The following PARM1 variants were observed in gnomAD, a reference collection of about 807,000 sequenced individuals.
PARM1 encodes the protein WSC4, cell wall integrity and stress response component 4 homolog.
PARM1 carries 14 observed loss-of-function variants against 24.6 expected under a neutral mutation model. The observed-to-expected ratio is 0.57, with a 90% confidence interval of 0.38 to 0.89. The LOEUF (loss-of-function observed/expected upper bound fraction) is 0.89. Among genes scored for constraint, PARM1 ranks in the 40% least tolerant of loss-of-function variants. The pLI is 0.00. For synonymous variants in PARM1, 179 were observed against 156.6 expected, an observed-to-expected ratio of 1.14 and a Z score of -1.07; for missense variants, 362 against 380.4, an observed-to-expected ratio of 0.95 and a Z score of 0.40.
intron 2 of PARM1, among the ~76,000 whole-genome samples, chr4:75,023,149 A>G (rs568680852): frequency 6.6e-6 from 1 of 152,352 alleles, no homozygotes; most frequent in South Asian, 2.1e-4. Context: ...TTCCATGTGG[A>G]GAAATCACGG....
At chr4:75,005,073 A>G (rs1260602699) in intron 1 of PARM1, among the ~76,000 whole-genome samples, 1 of 152,214 alleles carries the variant, frequency 6.6e-6, no homozygotes, top group African/African-American at 2.4e-5. Context: ...TAAAGCGCTC[A>G]GTACACTTGT....
intron 2 of PARM1, among the ~76,000 whole-genome samples, chr4:75,022,742 T>C (rs945413405): frequency 6.6e-6 from 1 of 152,196 alleles, no homozygotes; most frequent in Non-Finnish European, 1.5e-5. Flanking sequence ...ACTGAACCCG[T>C]ACTCTAATCT....
intron 1 of PARM1, among the ~76,000 whole-genome samples, chr4:74,968,379 TAA>T (rs1364333921): frequency 7.9e-5 from 12 of 152,220 alleles, no homozygotes; most frequent in Admixed American, 7.9e-4. Context: ...TCAGGAAATA[TAA>T]AAGTTGATTA....
chr4:75,020,438 T>G (rs1209364298), intron 2 of PARM1, among the ~76,000 whole-genome samples: 1 of 152,082 alleles, frequency 6.6e-6, no homozygotes, highest in Non-Finnish European at 1.5e-5. Context: ...CTCTTCATTT[T>G]TATCTCAGAG....
chr4:74,955,650 GT>G (rs1380816312), intron 1 of PARM1, among the ~76,000 whole-genome samples: 4 of 152,162 alleles, frequency 2.6e-5, no homozygotes, highest in Non-Finnish European at 5.9e-5. Context: ...ACTGGCTTTA[GT>G]TTTTTGTGGC....
At chr4:75,024,621 A>G (rs762888412) in intron 2 of PARM1, among the ~76,000 whole-genome samples, 2 of 152,200 alleles carry the variant, frequency 1.3e-5, no homozygotes, top group Non-Finnish European at 2.9e-5. Flanking sequence ...CTGAGCCTTC[A>G]CCTTAGCAGA....
At chr4:74,975,285 C>T (rs72860947) in intron 1 of PARM1, among the ~76,000 whole-genome samples, 4,177 of 152,304 alleles carry the variant, frequency 0.027, 83 homozygotes, top group South Asian at 0.077. Flanking sequence ...TAACAAGACA[C>T]TGCAGTTAAT....
At chr4:75,012,280 G>A in intron 1 of PARM1, 145 bp from the exon 2 acceptor site, 1 of 790,738 alleles carries the variant, frequency 1.3e-6, no homozygotes, top group South Asian at 1.9e-5. Context: ...ATTAAAAGTT[G>A]CCTTCACAAC....
intron 2 of PARM1, among the ~76,000 whole-genome samples, chr4:75,022,199 A>C: frequency 6.6e-6 from 1 of 152,188 alleles, no homozygotes; most frequent in East Asian, 1.9e-4. Context: ...CATTTCTCTA[A>C]TGATTAGTGG....
chr4:75,023,658 T>C (rs2114176), intron 2 of PARM1, among the ~76,000 whole-genome samples: 48,608 of 152,024 alleles, frequency 0.32, 9,702 homozygotes, highest in South Asian at 0.46. Flanking sequence ...AGGAGAAAAA[T>C]AGCTATGTTC....
Position 75,046,277 on chromosome 4 carries a change from A to G in PARM1, c.*30A>G, listed in dbSNP as rs371376929. 6.8e-5 allele frequency: 95 copies of G among 1,390,178 alleles called. No individual in the cohort carries two copies. The highest frequency in any genetic ancestry group is 9.2e-5 in the Non-Finnish European group (90 of 977,156). The allele number at this position is 1,390,178 out of a possible 1,614,324, so 86.1% of individuals were successfully genotyped here. ...GGAATATGGCCTGGGATGAGGATTA[A>G]CTGTTCTTTATTTATAAGTGCTTAT... On this transcript the variant is annotated 3_prime_UTR_variant, in exon 4 of 4. Transcript: ENST00000307428.
intron 1 of PARM1, among the ~76,000 whole-genome samples, chr4:74,962,405 A>G (rs915980442): frequency 3.9e-5 from 6 of 152,236 alleles, no homozygotes; most frequent in African/African-American, 1.4e-4. Context: ...AAAAAAAGCT[A>G]TAAGGAATAT....
chr4:74,960,549 G>A (rs1488608899), intron 1 of PARM1, among the ~76,000 whole-genome samples: 4 of 152,130 alleles, frequency 2.6e-5, no homozygotes, highest in Non-Finnish European at 5.9e-5. Flanking sequence ...GGAAGGGGAA[G>A]AATCTGATTT....
At chr4:74,989,504 T>C (rs1276388525) in intron 1 of PARM1, among the ~76,000 whole-genome samples, 1 of 152,180 alleles carries the variant, frequency 6.6e-6, no homozygotes, top group Non-Finnish European at 1.5e-5. Context: ...GGAGTTTCCA[T>C]GCCCTCTCTG....
intron 1 of PARM1, among the ~76,000 whole-genome samples, chr4:74,940,093 C>T (rs1337362086): frequency 1.3e-5 from 2 of 152,050 alleles, no homozygotes; most frequent in African/African-American, 4.8e-5. Flanking sequence ...CTTGGAGCTA[C>T]CATTCAGACT....
intron 1 of PARM1, chr4:74,965,196 AC>A (rs1373646911): frequency 6.6e-6 from 1 of 152,198 alleles, no homozygotes; most frequent in Non-Finnish European, 1.5e-5. Context: ...GTTTTTAATA[AC>A]CTTTTTTTGT....
chr4:74,934,398 C>T (rs2109977189), intron 1 of PARM1, among the ~76,000 whole-genome samples: 1 of 152,350 alleles, frequency 6.6e-6, no homozygotes, highest in African/African-American at 2.4e-5. Context: ...TATCCTCCCT[C>T]TGAGTTCGTC....
At chr4:74,994,319 G>T (rs1445658368) in intron 1 of PARM1, 3 of 152,134 alleles carry the variant, frequency 2.0e-5, no homozygotes, top group African/African-American at 7.2e-5. Context: ...ACACCAAATT[G>T]CCTTAAAATG....
chr4:75,012,969 G>A lies in PARM1; in HGVS notation c.588G>A (p.Pro196=), dbSNP rs3775527. Residue 196 remains proline (P), a synonymous_variant, in exon 2 of 4, where the codon CCG becomes CCA. Transcript: ENST00000307428. ...PTGAPTAPES[P]TEESSSDHTP... ...GAGCTCCAACTGCACCAGAGTCCCC[G>A]ACAGAGGAGTCCAGCTCTGACCACA... The A allele has an allele frequency of 0.41, 665,462 of 1,613,548 alleles. 141,584 individuals carry two copies. Among genetic ancestry groups the A allele is most frequent in the South Asian group, 0.46 (41,448 of 91,070 alleles).
Sources: gnomAD v4.1 joint callset for allele counts (sites outside exome capture counted in the v4.1 genomes callset) on GRCh38, gnomAD v4.1.1 for gene constraint, MANE v1.5 for transcripts, NCBI Gene and HGNC (gene_info 2026-07-23, HGNC 2026-07-21) for gene names.